FAM110B: variants seen among roughly 807,000 people sequenced by gnomAD.
FAM110B encodes protein FAM110B.
Under a neutral mutation model 20.4 loss-of-function variants are expected in FAM110B, and 6 were observed. The ratio of observed to expected loss-of-function variants is 0.29; its 90% CI spans 0.16 to 0.58. The LOEUF (loss-of-function observed/expected upper bound fraction) is 0.58. Among genes scored for constraint, FAM110B ranks in the 20% least tolerant of loss-of-function variants. The pLI is 0.90. For synonymous variants in FAM110B, 226 were observed against 214.1 expected (o/e 1.06, Z -0.49); for missense variants, 434 against 498.2 (o/e 0.87, Z 1.23).
chr8:58,083,382 A>T (rs953643262), intron 3 of FAM110B, among the ~76,000 whole-genome samples: 18 of 152,218 alleles, frequency 1.2e-4, no homozygotes. Context: ...AGTAAGGAAT[A>T]ATCAAGGCGT....
chr8:58,077,516 T>A (rs1366432225), intron 3 of FAM110B, among the ~76,000 whole-genome samples: 1 of 152,196 alleles, frequency 6.6e-6, no homozygotes, highest in Non-Finnish European at 1.5e-5. Flanking sequence ...AGACCTGGCC[T>A]TCACCTCAGC....
intron 3 of FAM110B, among the ~76,000 whole-genome samples, chr8:58,115,241 G>GT (rs779777457): frequency 1.3e-5 from 2 of 149,800 alleles, no homozygotes; most frequent in Non-Finnish European, 3.0e-5. Flanking sequence ...CATATAGTTT[G>GT]TTTAACTAAA....
At chr8:58,010,088 C>T (rs966466391) in intron 1 of FAM110B, among the ~76,000 whole-genome samples, 1 of 152,116 alleles carries the variant, frequency 6.6e-6, no homozygotes, top group Non-Finnish European at 1.5e-5. Context: ...ATGATCTCAG[C>T]TCACTGCAAC....
At chr8:58,110,910 A>G (rs1316340198) in intron 3 of FAM110B, among the ~76,000 whole-genome samples, 1 of 152,202 alleles carries the variant, frequency 6.6e-6, no homozygotes, top group Non-Finnish European at 1.5e-5. Flanking sequence ...GAAAGGTGTT[A>G]TAGGAGCATA....
At chr8:58,082,857 T>G (rs913415571) in intron 3 of FAM110B, among the ~76,000 whole-genome samples, 2 of 150,834 alleles carry the variant, frequency 1.3e-5, no homozygotes, top group African/African-American at 2.4e-5. Flanking sequence ...GTTTTTTTTT[T>G]TTTTAAATGA....
chr8:58,117,939 A>T (rs1397941043), intron 3 of FAM110B, among the ~76,000 whole-genome samples: 1 of 152,206 alleles, frequency 6.6e-6, no homozygotes, highest in East Asian at 1.9e-4. Context: ...AGCATGTTTA[A>T]AATTAAAATT....
At chr8:58,098,731 T>C (rs1806696947) in intron 3 of FAM110B, among the ~76,000 whole-genome samples, 1 of 128,816 alleles carries the variant, frequency 7.8e-6, no homozygotes. Context: ...AAAAGTGTAG[T>C]ATCTCGGCTG....
chr8:58,094,711 T>G (rs1044523678), intron 3 of FAM110B, among the ~76,000 whole-genome samples: 33 of 152,194 alleles, frequency 2.2e-4, no homozygotes, highest in African/African-American at 8.0e-4. Flanking sequence ...TGAAATTTTC[T>G]TTTTTGGTTG....
intron 1 of FAM110B, among the ~76,000 whole-genome samples, chr8:58,010,341 G>T (rs961017993): frequency 7.9e-5 from 12 of 152,178 alleles, no homozygotes; most frequent in Middle Eastern, 3.4e-3. Flanking sequence ...AGTTCTTGAT[G>T]GTTGTGTCAA....
chr8:58,088,568 A>G (rs1016540380), intron 3 of FAM110B, among the ~76,000 whole-genome samples: 5 of 152,216 alleles, frequency 3.3e-5, no homozygotes, highest in Admixed American at 2.6e-4. Context: ...AAACCAAATT[A>G]TATTTCTCTC....
At chr8:58,034,956 T>G (rs1223947310) in intron 2 of FAM110B, among the ~76,000 whole-genome samples, 1 of 152,178 alleles carries the variant, frequency 6.6e-6, no homozygotes, top group Non-Finnish European at 1.5e-5. Context: ...TGGCCGCAAG[T>G]TCAGTCATCT....
chr8:58,134,624 T>C (rs1803566793), intron 3 of FAM110B, among the ~76,000 whole-genome samples: 1 of 152,226 alleles, frequency 6.6e-6, no homozygotes, highest in African/African-American at 2.4e-5. Flanking sequence ...TTACTAAAAA[T>C]AGCAGTAAAA....
chr8:58,000,815 A>G (rs1804278960), intron 1 of FAM110B, among the ~76,000 whole-genome samples: 1 of 152,248 alleles, frequency 6.6e-6, no homozygotes, highest in South Asian at 2.1e-4. Context: ...GTTGACTGTG[A>G]GTTGGGGATT....
chr8:58,033,152 A>G (rs1399083773), intron 2 of FAM110B, among the ~76,000 whole-genome samples: 5 of 152,168 alleles, frequency 3.3e-5, no homozygotes, highest in African/African-American at 1.2e-4. Flanking sequence ...ATGTGAGAAC[A>G]TGCTGTTTTC....
In FAM110B at chr8:58,019,336, C is replaced by CA. The variant is rs61622368; in HGVS notation, c.-511-12246dup. On this transcript the variant is annotated intron_variant, in intron 1 of 3. Coordinates refer to ENST00000519262, the MANE Select transcript of FAM110B (RefSeq NM_001377989.1). ...CTGGCGACAGAGTGAGACTCTGTCTCAAAAAAAAAAAAAAAAAAAAAAAAG... is the reference window on the plus strand; with the variant it reads ...CTGGCGACAGAGTGAGACTCTGTCTCAAAAAAAAAAAAAAAAAAAAAAAAAG... 5.7e-3 allele frequency among the ~76,000 whole-genome samples: 444 copies of CA among 78,364 alleles called. 5 individuals carry two copies. Among genetic ancestry groups the CA allele is most frequent in the Middle Eastern group, 9.1e-3 (1 of 110 alleles). 51.4% of individuals were successfully genotyped at this position (78,364 alleles called of 152,430 possible).
At chr8:58,071,763 A>G (rs997919969) in intron 2 of FAM110B, among the ~76,000 whole-genome samples, 3 of 152,208 alleles carry the variant, frequency 2.0e-5, no homozygotes, top group African/African-American at 7.2e-5. Flanking sequence ...ATAATAAGAA[A>G]GTTTGATAGT....
intron 3 of FAM110B, among the ~76,000 whole-genome samples, chr8:58,109,799 C>A (rs1212376692): frequency 1.3e-5 from 2 of 152,212 alleles, no homozygotes; most frequent in African/African-American, 4.8e-5. Flanking sequence ...CCAAAATTGT[C>A]CACCCTTAGA....
At chr8:58,029,550 T>C (rs1804925019) in intron 1 of FAM110B, among the ~76,000 whole-genome samples, 1 of 151,938 alleles carries the variant, frequency 6.6e-6, no homozygotes, top group Non-Finnish European at 1.5e-5. Context: ...TTTTTTTTTG[T>C]TTTACACTAA....
chr8:58,121,240 C>T (rs1452992068), intron 3 of FAM110B, among the ~76,000 whole-genome samples: 1 of 152,142 alleles, frequency 6.6e-6, no homozygotes, highest in Non-Finnish European at 1.5e-5. Context: ...TCCACACGCA[C>T]CACTGTGGAT....
Sources: gnomAD v4.1 joint callset for allele counts (sites outside exome capture counted in the v4.1 genomes callset) on GRCh38, gnomAD v4.1.1 for gene constraint, MANE v1.5 for transcripts, NCBI Gene and HGNC (gene_info 2026-07-23, HGNC 2026-07-21) for gene names.